RGSL1: variants seen among roughly 807,000 people sequenced by gnomAD.
RGSL1 encodes regulator of G protein signaling like 1.
Under a neutral mutation model 124.7 loss-of-function variants are expected in RGSL1, and 97 were observed. The ratio of observed to expected loss-of-function variants is 0.78; its 90% CI spans 0.66 to 0.92. RGSL1 has a LOEUF of 0.92. RGSL1 is among the 40% of genes least tolerant of loss of function. The pLI, the probability that RGSL1 is intolerant of heterozygous loss-of-function variation, is 0.00. For synonymous variants in RGSL1, 424 were observed against 438.1 expected (o/e 0.97, Z 0.40); for missense variants, 1,233 against 1,288.4 (o/e 0.96, Z 0.66).
Position 182,515,405 on chromosome 1 carries a change from G to C in RGSL1, c.1826-6599G>C, listed in dbSNP as rs1336995282. The stretch of plus-strand genomic sequence containing the variant: ...AGTTTGGGACAAAAAAAGTATTTCA[G>C]AGGCTGCACGGATCTGTTTAGATTA... On this transcript the variant is annotated intron_variant, in intron 9 of 21. Coordinates refer to ENST00000294854, the MANE Select transcript of RGSL1 (RefSeq NM_001137669.2). Among the ~76,000 whole-genome samples the C allele has an allele frequency of 2.6e-5, 4 of 152,184 alleles. No individual in the cohort carries two copies. The South Asian group carries it at 8.3e-4, about 32-fold the overall frequency.
At chr1:182,488,239 A>AT in intron 6 of RGSL1, 46 bp from the exon 7 acceptor site, 1 of 1,525,466 alleles carries the variant, frequency 6.6e-7, no homozygotes, top group Non-Finnish European at 8.9e-7. Context: ...AGATGCAGCA[A>AT]GCTGACCATC....
At chr1:182,527,099 G>A (rs1195802822) in intron 10 of RGSL1, among the ~76,000 whole-genome samples, 1 of 152,036 alleles carries the variant, frequency 6.6e-6, no homozygotes, top group African/African-American at 2.4e-5. Flanking sequence ...AATCACAGAG[G>A]AGGCACAGAT....
At position 182,508,279 on chromosome 1, in the gene RGSL1, G is replaced by T. The variant is rs374910082; in HGVS notation, c.1826-13725G>T. Among the ~76,000 whole-genome samples the T allele has an allele frequency of 2.0e-3, 281 of 139,016 alleles. 5 individuals carry two copies. Among genetic ancestry groups the T allele is most frequent in the African/African-American group, 6.7e-3 (248 of 36,890 alleles). 91.2% of individuals were successfully genotyped at this position (139,016 alleles called of 152,430 possible). ...TTGTTGGTGGTGGTGATGGTTGTTGGTGGTGGTGGTGTTTTTTTTTTTTTT... is the reference window on the plus strand; with the variant it reads ...TTGTTGGTGGTGGTGATGGTTGTTGTTGGTGGTGGTGTTTTTTTTTTTTTT... On this transcript the variant is annotated intron_variant, in intron 9 of 21. Transcript: ENST00000294854.
intron 14 of RGSL1, among the ~76,000 whole-genome samples, chr1:182,534,228 T>G (rs1015702666): frequency 1.3e-5 from 2 of 152,244 alleles, no homozygotes; most frequent in Non-Finnish European, 2.9e-5. Context: ...TTCATTGCAG[T>G]AATTTAAACT....
intron 3 of RGSL1, among the ~76,000 whole-genome samples, chr1:182,459,607 G>T (rs1266627654): frequency 6.6e-6 from 1 of 152,194 alleles, no homozygotes. Flanking sequence ...TTAGGAGCTT[G>T]TTAGAAATTA....
chr1:182,488,239 A>C, intron 6 of RGSL1, 46 bp from the exon 7 acceptor site: 3 of 1,525,466 alleles, frequency 2.0e-6, no homozygotes, highest in Non-Finnish European at 2.7e-6. Flanking sequence ...AGATGCAGCA[A>C]GCTGACCATC....
In RGSL1 at chr1:182,460,057, C is replaced by G; in HGVS notation, c.225C>G (p.Phe75Leu). 1 of 1,551,672 alleles carries G rather than the reference C, an allele frequency of 6.4e-7. No homozygotes were observed. Among genetic ancestry groups the G allele is most frequent in the Non-Finnish European group, 8.7e-7 (1 of 1,146,964 alleles). The change falls in exon 4 of 22, where the codon TTC becomes TTG. Residue 75 changes from phenylalanine (F) to leucine (L), a missense_variant. Transcript: ENST00000294854. Reference protein sequence around the residue: ...LTWLEKCRLPFFCKTNLCFHY... With the variant: ...LTWLEKCRLPLFCKTNLCFHY... ...GGTTGGAAAAATGCCGATTACCTTT[C>G]TTCTGTAAAACAAACTTGTGTTTCC...
Position 182,515,811 on chromosome 1 carries a change from T to C in RGSL1, c.1826-6193T>C, listed in dbSNP as rs562974434. Among the ~76,000 whole-genome samples, 21 of 152,214 alleles carry C rather than the reference T, an allele frequency of 1.4e-4. No individual in the cohort carries two copies. In the South Asian group the frequency reaches 4.4e-3, roughly 32 times the overall value. On this transcript the variant is annotated intron_variant, in intron 9 of 21. Transcript: ENST00000294854. ...GTGCTGCAGACTCGCCCAGGTGCCCTAGCCAGAAGGGGAGGGGATAAGGAG... is the reference window on the plus strand; with the variant it reads ...GTGCTGCAGACTCGCCCAGGTGCCCCAGCCAGAAGGGGAGGGGATAAGGAG...
At chr1:182,503,037 A>T (rs1244260827) in intron 9 of RGSL1, among the ~76,000 whole-genome samples, 1 of 152,160 alleles carries the variant, frequency 6.6e-6, no homozygotes, top group Non-Finnish European at 1.5e-5. Context: ...AGAAAAGGAA[A>T]CCCTGGCACA....
In RGSL1 at chr1:182,554,978, T is replaced by C. The variant is rs1165907253; in HGVS notation, c.3197+285T>C. On this transcript the variant is annotated intron_variant, in intron 20 of 21. Coordinates refer to ENST00000294854, the MANE Select transcript of RGSL1 (RefSeq NM_001137669.2). The stretch of plus-strand genomic sequence containing the variant: ...CTGTGGAAGTGTCCCAGATGATCTT[T>C]GATTTTTATTTTTCATTTTTATAGA... 9 of 399,470 alleles carry C rather than the reference T, an allele frequency of 2.3e-5. No individual in the cohort carries two copies. The Admixed American group carries it at 2.3e-4, about 10-fold the overall frequency. The allele number at this position is 399,470 out of a possible 1,614,324, so 24.7% of individuals were successfully genotyped here. A position where few individuals can be genotyped will look rare whatever the true frequency, so the allele number is the denominator to read the frequency against.
intron 15 of RGSL1, among the ~76,000 whole-genome samples, chr1:182,545,731 G>A (rs1223765876): frequency 6.6e-6 from 1 of 152,080 alleles, no homozygotes; most frequent in Non-Finnish European, 1.5e-5. Context: ...TTTGCACTTT[G>A]AGAATTTTTT....
At chr1:182,526,653 C>G (rs1658769386) in intron 10 of RGSL1, among the ~76,000 whole-genome samples, 1 of 152,024 alleles carries the variant, frequency 6.6e-6, no homozygotes, top group African/African-American at 2.4e-5. Flanking sequence ...GCCTGGGTTA[C>G]CAAGTGGAAT....
At chr1:182,521,500 G>A (rs562025995) in intron 9 of RGSL1, among the ~76,000 whole-genome samples, 10 of 152,358 alleles carry the variant, frequency 6.6e-5, no homozygotes, top group Middle Eastern at 3.4e-3. Flanking sequence ...AGCAGTGTCC[G>A]TGGGAAAGAA....
At chr1:182,501,616 G>A (rs560875969) in intron 9 of RGSL1, among the ~76,000 whole-genome samples, 15 of 151,988 alleles carry the variant, frequency 9.9e-5, no homozygotes, top group Admixed American at 3.3e-4. Flanking sequence ...GCTACGCCCC[G>A]CCTTGATGTG....
intron 15 of RGSL1, 30 bp downstream of exon 15, chr1:182,540,451 C>T (rs1027922758): frequency 3.4e-5 from 52 of 1,537,086 alleles, no homozygotes; most frequent in Non-Finnish European, 4.4e-5. Context: ...TTCTTCTGCC[C>T]TGAAAATGAC....
chr1:182,461,970 A>C (rs1371707938), intron 4 of RGSL1, among the ~76,000 whole-genome samples: 1 of 152,058 alleles, frequency 6.6e-6, no homozygotes, highest in Non-Finnish European at 1.5e-5. Context: ...ATGGCTAAAA[A>C]CCTCTCAAAC....
chr1:182,450,394 A>T (rs915565516), intron 1 of RGSL1: 1 of 600,990 alleles, frequency 1.7e-6, no homozygotes, highest in African/African-American at 1.9e-5. Flanking sequence ...CTTATTCATA[A>T]GACAACTAAG....
chr1:182,540,116 C>A, intron 14 of RGSL1, 131 bp from the exon 15 acceptor site: 1 of 822,830 alleles, frequency 1.2e-6, no homozygotes, highest in Non-Finnish European at 1.8e-6. Flanking sequence ...AGCCCAATGG[C>A]AGTAAGTGAC....
intron 4 of RGSL1, among the ~76,000 whole-genome samples, chr1:182,462,117 G>C (rs150388799): frequency 1.3e-5 from 2 of 152,188 alleles, no homozygotes; most frequent in Non-Finnish European, 2.9e-5. Flanking sequence ...CAGTAAGAGA[G>C]AGAAATTATT....
Sources: allele counts gnomAD v4.1 joint callset (sites outside exome capture counted in the v4.1 genomes callset), GRCh38; gene constraint gnomAD v4.1.1; transcripts MANE v1.5; gene names NCBI Gene and HGNC (gene_info 2026-07-23, HGNC 2026-07-21).